Variants in LRBA observed in about 807,000 individuals in gnomAD.
The protein encoded by LRBA is LPS responsive beige-like anchor protein, also known as lipopolysaccharide-responsive and beige-like anchor protein.
A neutral mutation model predicts 330.0 loss-of-function variants in LRBA; 176 were observed. That is an observed-to-expected ratio of 0.53 (90% confidence interval 0.47 to 0.60). The LOEUF (loss-of-function observed/expected upper bound fraction) is 0.60, where lower values mean the gene tolerates loss of function less well. Among genes scored for constraint, LRBA ranks in the 20% least tolerant of loss-of-function variants. The pLI, the probability that LRBA is intolerant of heterozygous loss-of-function variation, is 0.00. For missense variants in LRBA, 3,259 were observed against 3,444.8 expected (o/e 0.95, Z 1.35); for synonymous variants, 1,230 against 1,193.0 (o/e 1.03, Z -0.64).
At chr4:150,580,033 C>G in intron 40 of LRBA, 1 of 242,128 alleles carries the variant, frequency 4.1e-6, no homozygotes, top group Admixed American at 5.4e-5. Context: ...GTTCCCAGAG[C>G]GCCGGCAAGG....
chr4:150,321,190 C>G lies in LRBA; in HGVS notation c.7630+1G>C, dbSNP rs1247224300. 1 of 1,606,144 alleles carries G rather than the reference C, an allele frequency of 6.2e-7. No individual in the cohort carries two copies. The highest frequency in any genetic ancestry group is 8.5e-7 in the Non-Finnish European group (1 of 1,177,242). ...CCTTATAATGGTATTTCTTTACTTA[C>G]CAGGAAGGTTGTGCCATTTGTTCAC... On this transcript the variant is annotated splice_donor_variant, in intron 50 of 56. Coordinates refer to ENST00000651943, the MANE Select transcript of LRBA (RefSeq NM_001364905.1). LOFTEE classifies it high-confidence loss of function. This position sits in a 1 kb window ranked among gnomAD's most constrained non-coding sequence, Gnocchi z 4.5.
In LRBA at chr4:150,870,209, C is replaced by A. The variant is rs186283318; in HGVS notation, c.2449+316G>T. Among the ~76,000 whole-genome samples the A allele has an allele frequency of 4.8e-3, 732 of 152,144 alleles. 2 individuals carry two copies. Among genetic ancestry groups the A allele is most frequent in the Non-Finnish European group, 7.9e-3 (534 of 67,980 alleles). ...CACAGTAATTTAAGATAAAACTACC[C>A]CAATGGTTCTTGTAATTCTGCCTGA... On this transcript the variant is annotated intron_variant, in intron 20 of 56. Transcript: ENST00000651943.
At chr4:150,536,656 C>T (rs147287760) in intron 40 of LRBA, among the ~76,000 whole-genome samples, 18 of 152,254 alleles carry the variant, frequency 1.2e-4, no homozygotes, top group Non-Finnish European at 1.8e-4. Flanking sequence ...AAAATGTTTA[C>T]ATGAATTAAT....
intron 2 of LRBA, among the ~76,000 whole-genome samples, chr4:150,964,103 G>C (rs547765111): frequency 2.1e-5 from 3 of 146,238 alleles, no homozygotes; most frequent in Admixed American, 2.0e-4. Context: ...GTCTCCGCCC[G>C]GCAGCCGCCC....
At chr4:150,539,219 C>T (rs1338449336) in intron 40 of LRBA, among the ~76,000 whole-genome samples, 1 of 152,152 alleles carries the variant, frequency 6.6e-6, no homozygotes, top group Non-Finnish European at 1.5e-5. Flanking sequence ...CGTGATCCGC[C>T]CGCTGCGGCC....
intron 30 of LRBA, among the ~76,000 whole-genome samples, chr4:150,819,189 GT>G (rs563549725): frequency 1.4e-3 from 197 of 144,384 alleles, no homozygotes; most frequent in Admixed American, 2.7e-3. Context: ...TACTTTATGG[GT>G]TTTTTTTTTT....
intron 30 of LRBA, among the ~76,000 whole-genome samples, chr4:150,827,630 G>A (rs1285767508): frequency 2.8e-5 from 4 of 141,146 alleles, no homozygotes; most frequent in South Asian, 4.4e-4. Flanking sequence ...ACAGAGTTTC[G>A]CTCTTCTTGC....
intron 43 of LRBA, among the ~76,000 whole-genome samples, chr4:150,471,323 C>T (rs913054915): frequency 6.6e-6 from 1 of 152,096 alleles, no homozygotes; most frequent in Non-Finnish European, 1.5e-5. Context: ...TCTCCTTACT[C>T]CCACCAACTG....
Position 150,583,349 on chromosome 4 carries a change from A to G in LRBA, c.6330+4699T>C, listed in dbSNP as rs1335254940. ...GTGCTCAAACTGAGCGATGGGCGGA[A>G]GCGGAGCATGTCTCTCTGGGTCGAG... On this transcript the variant is annotated intron_variant, in intron 40 of 56. Transcript: ENST00000651943. This position sits in a 1 kb window ranked among gnomAD's most constrained non-coding sequence, Gnocchi z 9.8. The G allele has an allele frequency of 5.0e-6, 8 of 1,614,210 alleles. No homozygotes were observed. The highest frequency in any genetic ancestry group is 6.8e-6 in the Non-Finnish European group (8 of 1,180,040).
At chr4:150,790,045 C>T (rs1245745699) in intron 34 of LRBA, among the ~76,000 whole-genome samples, 1 of 152,176 alleles carries the variant, frequency 6.6e-6, no homozygotes, top group East Asian at 1.9e-4. Flanking sequence ...CAGATGTCTC[C>T]ACACTCACAG....
intron 45 of LRBA, among the ~76,000 whole-genome samples, chr4:150,436,260 T>C (rs995460270): frequency 2.0e-5 from 3 of 152,178 alleles, no homozygotes; most frequent in East Asian, 3.9e-4. Flanking sequence ...TCCGAAGAAA[T>C]TGCTTTCTAG....
At chr4:150,370,389 T>C (rs575145713) in intron 47 of LRBA, among the ~76,000 whole-genome samples, 1 of 152,248 alleles carries the variant, frequency 6.6e-6, no homozygotes, top group African/African-American at 2.4e-5. Context: ...CACAAAGACA[T>C]AGAGGAATCT....
chr4:150,287,687 T>C (rs1284047958), intron 53 of LRBA, among the ~76,000 whole-genome samples: 5 of 152,220 alleles, frequency 3.3e-5, no homozygotes, highest in African/African-American at 1.2e-4. Context: ...TGGCGTGCTA[T>C]GTGCAGCCAG....
chr4:150,816,370 C>T (rs1270161356), intron 31 of LRBA, among the ~76,000 whole-genome samples: 1 of 151,966 alleles, frequency 6.6e-6, no homozygotes, highest in Non-Finnish European at 1.5e-5. Context: ...GATACAGTAA[C>T]ATCCCTTTTG....
rs1453222814 is a variant in LRBA, at chr4:150,584,201, C to G, written c.6330+3847G>C. Reference sequence around the variant, plus strand: ...AAACAGCAGAAACTCTGGACACAAACTTTTATGTAAGTCACCTGAAATAGG... The same window carrying G: ...AAACAGCAGAAACTCTGGACACAAAGTTTTATGTAAGTCACCTGAAATAGG... On this transcript the variant is annotated intron_variant, in intron 40 of 56. Coordinates refer to ENST00000651943, the MANE Select transcript of LRBA (RefSeq NM_001364905.1). 1.4e-5 allele frequency: 19 copies of G among 1,357,180 alleles called. No homozygotes were observed. In the East Asian group the frequency reaches 4.8e-4, roughly 35 times the overall value. The allele number at this position is 1,357,180 out of a possible 1,614,324, so 84.1% of individuals were successfully genotyped here. A position where few individuals can be genotyped will look rare whatever the true frequency, so the allele number is the denominator to read the frequency against.
chr4:150,827,055 T>C (rs1015933503), intron 30 of LRBA, among the ~76,000 whole-genome samples: 1 of 152,156 alleles, frequency 6.6e-6, no homozygotes, highest in East Asian at 1.9e-4. Flanking sequence ...AAGATATGAA[T>C]CTCAGAGAAA....
intron 47 of LRBA, among the ~76,000 whole-genome samples, chr4:150,402,840 G>C (rs1745682537): frequency 6.6e-6 from 1 of 151,396 alleles, no homozygotes; most frequent in African/African-American, 2.4e-5. Flanking sequence ...TAAAAATATA[G>C]AAAGGAATCA....
intron 34 of LRBA, among the ~76,000 whole-genome samples, chr4:150,767,259 G>T (rs966013883): frequency 6.6e-6 from 1 of 151,868 alleles, no homozygotes; most frequent in Non-Finnish European, 1.5e-5. Context: ...TAATCTCCTA[G>T]AACGTATTTT....
chr4:150,417,305 A>G (rs1242508153), intron 46 of LRBA, among the ~76,000 whole-genome samples: 1 of 152,138 alleles, frequency 6.6e-6, no homozygotes, highest in Non-Finnish European at 1.5e-5. Flanking sequence ...AAATCACTAT[A>G]TAATTTTCTA....
Sources: gnomAD v4.1 joint callset for allele counts (sites outside exome capture counted in the v4.1 genomes callset) on GRCh38, gnomAD v4.1.1 for gene constraint, Gnocchi (gnomAD v3.1) non-coding constraint, MANE v1.5 for transcripts, NCBI Gene and HGNC (gene_info 2026-07-23, HGNC 2026-07-21) for gene names.